Variants in KIAA1549L observed in about 807,000 individuals in gnomAD.
KIAA1549L encodes the protein UPF0606 protein KIAA1549L.
Under a neutral mutation model 160.7 loss-of-function variants are expected in KIAA1549L, and 88 were observed. That is an observed-to-expected ratio of 0.55 (90% CI 0.46 to 0.65). KIAA1549L has a LOEUF of 0.65. Ranked by LOEUF, KIAA1549L falls within the 30% of genes least tolerant of loss-of-function variation. The pLI is 0.00. For missense variants in KIAA1549L, 2,258 were observed against 2,437.5 expected (o/e 0.93, Z 1.55); for synonymous variants, 950 against 976.7 (o/e 0.97, Z 0.51).
chr11:33,484,793 G>GT (rs1852487546), intron 1 of KIAA1549L, among the ~76,000 whole-genome samples: 1 of 152,126 alleles, frequency 6.6e-6, no homozygotes, highest in Non-Finnish European at 1.5e-5. Context: ...GAATTTATAA[G>GT]TTTATTGTAG....
chr11:33,513,339 A>G (rs372159770), intron 1 of KIAA1549L, among the ~76,000 whole-genome samples: 1 of 152,122 alleles, frequency 6.6e-6, no homozygotes, highest in African/African-American at 2.4e-5. Context: ...CATCAGGTTG[A>G]GATGGTTGAT....
At chr11:33,561,778 T>C (rs765168052) in intron 8 of KIAA1549L, 43 bp downstream of exon 8, 14 of 1,384,140 alleles carry the variant, frequency 1.0e-5, no homozygotes, top group Admixed American at 1.7e-5. Flanking sequence ...TGCTGTCAGA[T>C]TGATTTATTT....
intron 6 of KIAA1549L, 123 bp from the exon 7 acceptor site, chr11:33,559,624 TTC>T: frequency 4.1e-6 from 3 of 727,496 alleles, no homozygotes; most frequent in Admixed American, 4.5e-5. Context: ...TCCTTGCTGT[TTC>T]CCTGACCCCC....
At chr11:33,476,089 G>A (rs983816016) in intron 1 of KIAA1549L, among the ~76,000 whole-genome samples, 6 of 152,232 alleles carry the variant, frequency 3.9e-5, no homozygotes, top group Admixed American at 3.9e-4. Flanking sequence ...GCCCGTGGGA[G>A]AGACGGCAAG....
At chr11:33,627,030 T>A (rs1455961292) in intron 16 of KIAA1549L, among the ~76,000 whole-genome samples, 253 of 76,356 alleles carry the variant, frequency 3.3e-3, no homozygotes, top group African/African-American at 0.01. Flanking sequence ...GGTTTTTGTC[T>A]TTGGTTCTGT....
intron 1 of KIAA1549L, among the ~76,000 whole-genome samples, chr11:33,412,018 A>G (rs961672310): frequency 1.3e-5 from 2 of 152,178 alleles, no homozygotes; most frequent in South Asian, 2.1e-4. Context: ...TCTACTGACA[A>G]TTGCAGGTCT....
At chr11:33,499,908 AT>A (rs938546140) in intron 1 of KIAA1549L, among the ~76,000 whole-genome samples, 6 of 152,244 alleles carry the variant, frequency 3.9e-5, no homozygotes, top group South Asian at 4.2e-4. Context: ...GATGTATCTG[AT>A]TTTTTTGGTT....
At chr11:33,618,222 A>C (rs1329367896) in intron 15 of KIAA1549L, among the ~76,000 whole-genome samples, 1 of 152,254 alleles carries the variant, frequency 6.6e-6, no homozygotes, top group East Asian at 1.9e-4. Flanking sequence ...TAGAGGGTCA[A>C]GGGAGAACCC....
At chr11:33,441,759 A>T (rs1851511943) in intron 1 of KIAA1549L, among the ~76,000 whole-genome samples, 1 of 151,826 alleles carries the variant, frequency 6.6e-6, no homozygotes. Context: ...CCACTTTTTG[A>T]TGGGGTTGTT....
In KIAA1549L at chr11:33,454,218, C is replaced by A. The variant is rs186984876; in HGVS notation, c.238+77329C>A. Among the ~76,000 whole-genome samples the A allele has an allele frequency of 7.8e-4, 119 of 152,276 alleles. 1 individual carries two copies. The highest frequency in any genetic ancestry group is 1.8e-3 in the Admixed American group (28 of 15,284). ...CATTAAAACCAGAATTTACTGATAA[C>A]CCTTTACATCCTTATTTATACCCTA... On this transcript the variant is annotated intron_variant, in intron 1 of 20. Coordinates refer to ENST00000658780, the MANE Select transcript of KIAA1549L (RefSeq NM_012194.3).
chr11:33,547,913 T>A (rs1854320595), intron 4 of KIAA1549L, 34 bp downstream of exon 4: 1 of 1,369,666 alleles, frequency 7.3e-7, no homozygotes, highest in African/African-American at 1.4e-5. Flanking sequence ...AGCTAATCCA[T>A]CACAGTCTGG....
chr11:33,426,410 T>C (rs1024315693), intron 1 of KIAA1549L, among the ~76,000 whole-genome samples: 1 of 152,196 alleles, frequency 6.6e-6, no homozygotes, highest in Non-Finnish European at 1.5e-5. Flanking sequence ...TTTCTGAAGC[T>C]AAAGGAGTCA....
At chr11:33,413,527 C>T (rs1850826064) in intron 1 of KIAA1549L, among the ~76,000 whole-genome samples, 1 of 151,466 alleles carries the variant, frequency 6.6e-6, no homozygotes, top group Admixed American at 6.6e-5. Flanking sequence ...GAGTAATTAA[C>T]TCAAGATGTG....
intron 15 of KIAA1549L, among the ~76,000 whole-genome samples, chr11:33,617,071 G>A (rs1311405469): frequency 6.6e-6 from 1 of 151,186 alleles, no homozygotes; most frequent in Non-Finnish European, 1.5e-5. Flanking sequence ...ATCCAAGGAG[G>A]TCAAGGCTGC....
chr11:33,489,963 A>G (rs1312734529), intron 1 of KIAA1549L, among the ~76,000 whole-genome samples: 2 of 152,306 alleles, frequency 1.3e-5, no homozygotes, highest in Admixed American at 1.3e-4. Flanking sequence ...TCTCATAATA[A>G]TCTTTGAGAT....
At chr11:33,527,268 G>A (rs1853635197) in intron 1 of KIAA1549L, among the ~76,000 whole-genome samples, 1 of 152,194 alleles carries the variant, frequency 6.6e-6, no homozygotes, top group Admixed American at 6.5e-5. Context: ...GAGCAGAATA[G>A]AGAACCCAGA....
intron 4 of KIAA1549L, among the ~76,000 whole-genome samples, chr11:33,548,466 G>A (rs931715522): frequency 3.9e-5 from 6 of 152,142 alleles, no homozygotes; most frequent in Non-Finnish European, 7.3e-5. Context: ...TTATCCCATC[G>A]TTTGGGGAAA....
At chr11:33,522,040 G>T (rs1853506142) in intron 1 of KIAA1549L, among the ~76,000 whole-genome samples, 1 of 151,970 alleles carries the variant, frequency 6.6e-6, no homozygotes, top group Non-Finnish European at 1.5e-5. Context: ...TCTAAATTAT[G>T]GAATTTTTAA....
At chr11:33,653,824 C>A (rs1452032997) in intron 17 of KIAA1549L, among the ~76,000 whole-genome samples, 1 of 151,922 alleles carries the variant, frequency 6.6e-6, no homozygotes, top group Admixed American at 6.6e-5. Flanking sequence ...ATTCCATTTT[C>A]TAGTTTATTA....
Sources: allele counts gnomAD v4.1 joint callset (sites outside exome capture counted in the v4.1 genomes callset), GRCh38; gene constraint gnomAD v4.1.1; transcripts MANE v1.5; gene names NCBI Gene and HGNC (gene_info 2026-07-23, HGNC 2026-07-21).